The following ALDH5A1 variants were observed in gnomAD, a reference collection of about 807,000 sequenced individuals.
The protein encoded by ALDH5A1 is succinate-semialdehyde dehydrogenase, mitochondrial.
ALDH5A1 carries 33 observed loss-of-function variants against 54.7 expected under a neutral mutation model. The observed-to-expected ratio is 0.60, with a 90% confidence interval of 0.46 to 0.81. The LOEUF (loss-of-function observed/expected upper bound fraction) is 0.81. ALDH5A1 is among the 30% of genes least tolerant of loss of function. The pLI is 0.00. For synonymous variants in ALDH5A1, 294 were observed against 292.7 expected, an observed-to-expected ratio of 1.00 and a Z score of -0.05; for missense variants, 657 against 711.0, an observed-to-expected ratio of 0.92 and a Z score of 0.86.
At position 24,510,448 on chromosome 6, in the gene ALDH5A1, G is replaced by C. The variant is rs191213876; in HGVS notation, c.727-4719G>C. Among the ~76,000 whole-genome samples the C allele has an allele frequency of 3.0e-3, 457 of 152,098 alleles. 1 individual carries two copies. The highest frequency in any genetic ancestry group is 5.1e-3 in the Non-Finnish European group (349 of 67,982). On this transcript the variant is annotated intron_variant, in intron 4 of 9. Coordinates refer to ENST00000357578, the MANE Select transcript of ALDH5A1 (RefSeq NM_001080.3). ...GTGTTGCTGTCTATCTCATTTCTTA[G>C]GTCTAATAGTAATCATTTTAGAAAT... is the stretch of plus-strand genomic sequence containing the variant.
At chr6:24,506,715 C>T (rs904719713) in intron 4 of ALDH5A1, among the ~76,000 whole-genome samples, 1 of 152,152 alleles carries the variant, frequency 6.6e-6, no homozygotes, top group Non-Finnish European at 1.5e-5. Flanking sequence ...GGTATTTTCT[C>T]TTTCCATTCT....
At chr6:24,497,055 C>T (rs1764725069) in intron 1 of ALDH5A1, among the ~76,000 whole-genome samples, 1 of 152,030 alleles carries the variant, frequency 6.6e-6, no homozygotes, top group Non-Finnish European at 1.5e-5. Flanking sequence ...GAGCCGCGGA[C>T]CTTTGCAGTG....
At chr6:24,519,755 GTTT>G (rs35222716) in intron 5 of ALDH5A1, among the ~76,000 whole-genome samples, 1 of 145,848 alleles carries the variant, frequency 6.9e-6, no homozygotes, top group Non-Finnish European at 1.5e-5. Context: ...ATACCATCCT[GTTT>G]TTTTTTTTTT....
At chr6:24,531,331 C>A (rs187206354) in intron 8 of ALDH5A1, among the ~76,000 whole-genome samples, 1 of 152,158 alleles carries the variant, frequency 6.6e-6, no homozygotes, top group East Asian at 1.9e-4. Flanking sequence ...AGGAAACCAA[C>A]GGAAGGCATT....
chr6:24,504,778 A>G, intron 3 of ALDH5A1, 91 bp from the exon 4 acceptor site: 2 of 1,281,262 alleles, frequency 1.6e-6, no homozygotes, highest in East Asian at 4.6e-5. Context: ...TTGTGCAATG[A>G]AATTTGTTCA....
At chr6:24,515,363 G>A in intron 5 of ALDH5A1, 53 bp downstream of exon 5, 1 of 1,584,744 alleles carries the variant, frequency 6.3e-7, no homozygotes, top group Non-Finnish European at 8.7e-7. Context: ...ATTTTATCTT[G>A]ATAGGTTATA....
intron 5 of ALDH5A1, among the ~76,000 whole-genome samples, chr6:24,519,391 C>G (rs1759632606): frequency 6.6e-6 from 1 of 152,038 alleles, no homozygotes; most frequent in Non-Finnish European, 1.5e-5. Flanking sequence ...ATGACGAAAC[C>G]CCATCTCTAC....
At chr6:24,520,146 C>T (rs186851557) in intron 5 of ALDH5A1, among the ~76,000 whole-genome samples, 6 of 152,140 alleles carry the variant, frequency 3.9e-5, no homozygotes, top group African/African-American at 1.4e-4. Context: ...TCAAGTAATC[C>T]TCCCACTTCA....
intron 4 of ALDH5A1, among the ~76,000 whole-genome samples, chr6:24,506,272 T>TG: frequency 8.7e-6 from 1 of 114,548 alleles, no homozygotes; most frequent in African/African-American, 4.1e-5. Flanking sequence ...TTTTTTTTTT[T>TG]TGAGACAGTC....
intron 1 of ALDH5A1, among the ~76,000 whole-genome samples, chr6:24,499,472 A>G (rs1764778380): frequency 1.3e-5 from 2 of 150,934 alleles, no homozygotes; most frequent in African/African-American, 4.9e-5. Context: ...TTTTTTTTTA[A>G]TAAGCCATTT....
At chr6:24,524,483 C>A (rs145677357) in intron 7 of ALDH5A1, among the ~76,000 whole-genome samples, 274 of 152,234 alleles carry the variant, frequency 1.8e-3, no homozygotes, top group African/African-American at 6.3e-3. Flanking sequence ...CACCGCTGTT[C>A]CTCAACCTCC....
In ALDH5A1 at chr6:24,495,109, C is replaced by CGCCCG. The variant is rs1273153948; in HGVS notation, c.123_127dup (p.Gln43ArgfsTer50). 6 of 1,313,210 alleles carry CGCCCG rather than the reference C, an allele frequency of 4.6e-6. No homozygotes were observed. The highest frequency in any genetic ancestry group is 1.5e-5 in the African/African-American group (1 of 64,814). The allele number at this position is 1,313,210 out of a possible 1,614,324, so 81.3% of individuals were successfully genotyped here. ...GGCCTGGTCCCTGCCTCCGGGCCTG[C>CGCCCG]GCCCGGCCCGGCCCAGCTCCGCTGC... On this transcript the variant is annotated frameshift_variant, in exon 1 of 10. Coordinates refer to ENST00000357578, the MANE Select transcript of ALDH5A1 (RefSeq NM_001080.3). LOFTEE classifies it high-confidence loss of function.
intron 4 of ALDH5A1, among the ~76,000 whole-genome samples, chr6:24,505,725 A>G (rs777087334): frequency 6.6e-6 from 1 of 151,598 alleles, no homozygotes; most frequent in Non-Finnish European, 1.5e-5. Context: ...TCTCAGAACT[A>G]TGGGAGGCCA....
At chr6:24,496,197 C>T (rs578193883) in intron 1 of ALDH5A1, among the ~76,000 whole-genome samples, 47 of 152,274 alleles carry the variant, frequency 3.1e-4, no homozygotes, top group African/African-American at 1.1e-3. Context: ...CTGCTGTATG[C>T]CCTGCACTGT....
chr6:24,513,047 A>T (rs1341948213), intron 4 of ALDH5A1, among the ~76,000 whole-genome samples: 1 of 150,618 alleles, frequency 6.6e-6, no homozygotes, highest in African/African-American at 2.4e-5. Context: ...GTCTATAGGG[A>T]TATTATTCTA....
At chr6:24,497,119 T>C (rs1393978891) in intron 1 of ALDH5A1, among the ~76,000 whole-genome samples, 1 of 152,070 alleles carries the variant, frequency 6.6e-6, no homozygotes, top group Non-Finnish European at 1.5e-5. Flanking sequence ...GGTAGCAACA[T>C]TTATTGTGAA....
intron 6 of ALDH5A1, chr6:24,522,508 G>GTGTGTGTGTGTGTGTGTGTGT: frequency 4.8e-6 from 1 of 208,230 alleles, no homozygotes; most frequent in Non-Finnish European, 9.7e-6. Flanking sequence ...TGTGTGTACA[G>GTGTGTGTGTGTGTGTGTGTGT]GTGCTTATTG....
intron 5 of ALDH5A1, among the ~76,000 whole-genome samples, chr6:24,519,999 G>A (rs904340279): frequency 2.0e-5 from 3 of 151,898 alleles, no homozygotes; most frequent in Non-Finnish European, 4.4e-5. Context: ...CCCCAACCCT[G>A]ACTCACTCCC....
rs58747567 is a variant in ALDH5A1 at position 24,532,164 on chromosome 6, T to C, written c.1389T>C (p.Asp463=). Residue 463 remains aspartate (D), a synonymous_variant, in exon 9 of 10, where the codon GAT becomes GAC. Transcript: ENST00000357578. ...EEAIAIANAA[D]VGLAGYFYSQ... ...CTATAGCAATCGCTAACGCAGCTGA[T>C]GTTGGGTTAGCAGGTAGGTGTTTGT... The C allele has an allele frequency of 9.3e-3, 14,975 of 1,613,906 alleles. 106 individuals are homozygous for C. Among genetic ancestry groups the C allele is most frequent in the Non-Finnish European group, 0.012 (13,708 of 1,179,744 alleles).
Sources: gnomAD v4.1 joint callset for allele counts (sites outside exome capture counted in the v4.1 genomes callset) on GRCh38, gnomAD v4.1.1 for gene constraint, MANE v1.5 for transcripts, NCBI Gene and HGNC (gene_info 2026-07-23, HGNC 2026-07-21) for gene names.